The following GPC3 variants were observed in gnomAD, a reference collection of about 807,000 sequenced individuals.
GPC3 encodes glypican-3.
GPC3 carries 3 observed loss-of-function variants against 34.4 expected under a neutral mutation model. That is an observed-to-expected ratio of 0.09 (90% CI 0.04 to 0.23). GPC3 has a LOEUF of 0.23. Among genes scored for constraint, GPC3 ranks in the 10% least tolerant of loss-of-function variants. The probability of loss-of-function intolerance (pLI) is 1.00; values close to 1 mark genes in which losing one functional copy is unlikely to be tolerated. For synonymous variants in GPC3, 177 were observed against 174.0 expected (o/e 1.02, Z -0.13); for missense variants, 351 against 445.6 (o/e 0.79, Z 1.91).
intron 2 of GPC3, among the ~76,000 whole-genome samples, chrX:133,919,133 C>A (rs1469737910): frequency 1.8e-5 from 2 of 110,899 alleles, no homozygotes; most frequent in Non-Finnish European, 3.8e-5. Flanking sequence ...GACCCTTTTG[C>A]CTCCATTGCA....
At chrX:133,726,318 T>C (rs1000722103) in intron 3 of GPC3, among the ~76,000 whole-genome samples, 1 of 111,552 alleles carries the variant, frequency 9.0e-6, no homozygotes, top group Non-Finnish European at 1.9e-5. Flanking sequence ...CCTTAGGACA[T>C]TGTCTCAAAT....
chrX:133,916,484 A>T (rs2076225633), intron 2 of GPC3, among the ~76,000 whole-genome samples: 1 of 111,881 alleles, frequency 8.9e-6, no homozygotes, highest in South Asian at 3.7e-4. Flanking sequence ...TTAATTTTTT[A>T]AAAACAGCCA....
chrX:133,970,711 A>C (rs915102495), intron 1 of GPC3, among the ~76,000 whole-genome samples: 1 of 109,179 alleles, frequency 9.2e-6, no homozygotes, highest in Admixed American at 9.9e-5. Flanking sequence ...CTATGCAAAA[A>C]AATGAGCTGG....
At chrX:133,703,140 T>C (rs749369379) in intron 3 of GPC3, among the ~76,000 whole-genome samples, 21 of 111,916 alleles carry the variant, frequency 1.9e-4, no homozygotes, top group African/African-American at 6.5e-4. Context: ...AGTGGCATTT[T>C]AGAAATCAGT....
chrX:133,951,356 C>A (rs781332285), intron 2 of GPC3, among the ~76,000 whole-genome samples: 1 of 110,499 alleles, frequency 9.0e-6, no homozygotes, highest in Non-Finnish European at 1.9e-5. Flanking sequence ...AGATACATAG[C>A]CATGTCAGCT....
intron 2 of GPC3, among the ~76,000 whole-genome samples, chrX:133,883,720 A>C (rs902628062): frequency 1.8e-5 from 2 of 111,608 alleles, no homozygotes; most frequent in African/African-American, 6.5e-5. Flanking sequence ...CTCATTACTG[A>C]TATTCTTTCC....
intron 2 of GPC3, among the ~76,000 whole-genome samples, chrX:133,941,878 G>A (rs2076346339): frequency 8.9e-6 from 1 of 112,134 alleles, no homozygotes; most frequent in Non-Finnish European, 1.9e-5. Context: ...CAACTAGTAA[G>A]GGACAAGTTA....
chrX:133,681,889 A>G (rs984252928), intron 5 of GPC3, among the ~76,000 whole-genome samples: 8 of 112,040 alleles, frequency 7.1e-5, no homozygotes, highest in African/African-American at 2.3e-4. Context: ...GTTCTGATGA[A>G]GTGACACTGA....
At chrX:133,549,974 C>T (rs1370210802) in intron 7 of GPC3, among the ~76,000 whole-genome samples, 1 of 106,803 alleles carries the variant, frequency 9.4e-6, no homozygotes, top group East Asian at 3.0e-4. Flanking sequence ...CTGTCTCCCA[C>T]CTACCCTCTC....
chrX:133,938,710 T>C (rs1409431611), intron 2 of GPC3, among the ~76,000 whole-genome samples: 1 of 112,355 alleles, frequency 8.9e-6, no homozygotes, highest in Non-Finnish European at 1.9e-5. Flanking sequence ...CCTTCTGCCT[T>C]GAGTTCACTT....
chrX:133,784,796 C>T (rs1002252869), intron 2 of GPC3, among the ~76,000 whole-genome samples: 7 of 112,208 alleles, frequency 6.2e-5, no homozygotes, highest in Admixed American at 2.8e-4. Flanking sequence ...GCAACCATCA[C>T]CACCATCTGA....
intron 7 of GPC3, among the ~76,000 whole-genome samples, chrX:133,574,356 A>G (rs1395630464): frequency 3.6e-5 from 4 of 110,994 alleles, no homozygotes; most frequent in African/African-American, 1.3e-4. Context: ...TGAGAAAAAA[A>G]GAGAGAGAGA....
intron 5 of GPC3, among the ~76,000 whole-genome samples, chrX:133,691,046 G>C (rs986345834): frequency 1.8e-5 from 2 of 111,967 alleles, no homozygotes; most frequent in Non-Finnish European, 3.8e-5. Context: ...AAAGCTCTGC[G>C]AGGACAGGAA....
intron 6 of GPC3, among the ~76,000 whole-genome samples, chrX:133,604,136 G>A (rs1438848080): frequency 9.0e-6 from 1 of 111,008 alleles, no homozygotes; most frequent in African/African-American, 3.3e-5. Context: ...TCACGTTAAG[G>A]GAAGACATTG....
chrX:133,743,759 T>C (rs777502369), intron 3 of GPC3, among the ~76,000 whole-genome samples: 1 of 112,284 alleles, frequency 8.9e-6, no homozygotes, highest in Non-Finnish European at 1.9e-5. Flanking sequence ...GCATTGTGGT[T>C]ACTGTAGCCT....
intron 2 of GPC3, among the ~76,000 whole-genome samples, chrX:133,850,194 GTTTTTTT>G (rs749809263): frequency 7.4e-5 from 5 of 68,003 alleles, no homozygotes; most frequent in Non-Finnish European, 1.1e-4. Flanking sequence ...TTTGGGTTTT[GTTTTTTT>G]TTTTTTTTTT....
intron 3 of GPC3, among the ~76,000 whole-genome samples, chrX:133,727,287 T>A (rs936044985): frequency 9.0e-6 from 1 of 111,632 alleles, no homozygotes; most frequent in African/African-American, 3.3e-5. Flanking sequence ...GGCTCACGCC[T>A]GTAATCCTAG....
chrX:133,903,909 T>C (rs1001553027), intron 2 of GPC3, among the ~76,000 whole-genome samples: 2 of 110,932 alleles, frequency 1.8e-5, no homozygotes, highest in Admixed American at 1.9e-4. Flanking sequence ...AAGACTGTGA[T>C]TGGAGGAGCA....
At chrX:133,909,385 G>A (rs1259380511) in intron 2 of GPC3, among the ~76,000 whole-genome samples, 3 of 111,883 alleles carry the variant, frequency 2.7e-5, no homozygotes, top group Non-Finnish European at 5.6e-5. Flanking sequence ...TTCTGATTCA[G>A]CCATCATGAT....
Sources: gnomAD v4.1 joint callset for allele counts (sites outside exome capture counted in the v4.1 genomes callset) on GRCh38, gnomAD v4.1.1 for gene constraint, MANE v1.5 for transcripts, NCBI Gene and HGNC (gene_info 2026-07-23, HGNC 2026-07-21) for gene names.